Variants in SYBU observed in about 807,000 individuals in gnomAD.
SYBU encodes the protein GOLSYN A protein.
Under a neutral mutation model 35.9 loss-of-function variants are expected in SYBU, and 21 were observed. The observed-to-expected ratio is 0.58, with a 90% CI of 0.41 to 0.84. SYBU has a LOEUF of 0.84. Among genes scored for constraint, SYBU ranks in the 40% least tolerant of loss-of-function variants. The pLI is 0.00. For missense variants in SYBU, 768 were observed against 848.2 expected (o/e 0.91, Z 1.17); for synonymous variants, 319 against 324.3 (o/e 0.98, Z 0.18).
chr8:109,577,534 C>T (rs879777505), intron 6 of SYBU, among the ~76,000 whole-genome samples: 3 of 152,074 alleles, frequency 2.0e-5, no homozygotes, highest in Non-Finnish European at 4.4e-5. Flanking sequence ...TGGGATTGTT[C>T]CCGCACGTGT....
intron 3 of SYBU, among the ~76,000 whole-genome samples, chr8:109,595,031 T>C (rs940561611): frequency 6.6e-6 from 1 of 152,154 alleles, no homozygotes; most frequent in Non-Finnish European, 1.5e-5. Context: ...TGTAAGATAA[T>C]ATATGTAAAA....
chr8:109,680,253 C>G (rs949608998), intron 1 of SYBU: 3 of 152,190 alleles, frequency 2.0e-5, no homozygotes, highest in African/African-American at 7.2e-5. Context: ...TAAATAGAAA[C>G]TAATTTAAAC....
Position 109,675,207 on chromosome 8 carries a change from C to A in SYBU, c.-129+5504G>T, listed in dbSNP as rs558417933. Among the ~76,000 whole-genome samples, 6 of 152,208 alleles carry A rather than the reference C, an allele frequency of 3.9e-5. No individual in the cohort carries two copies. The East Asian group carries it at 1.2e-3, about 29-fold the overall frequency. On this transcript the variant is annotated intron_variant, in intron 1 of 5. Coordinates refer to the SYBU transcript ENST00000408889. ...AAGCAGGACAGATCTAAAATTGACA[C>A]CCTAACATCACAATGAAAAGAACTA...
At chr8:109,663,260 G>C (rs73700918) in intron 1 of SYBU, among the ~76,000 whole-genome samples, 1 of 79,298 alleles carries the variant, frequency 1.3e-5, no homozygotes, top group Non-Finnish European at 2.4e-5. Flanking sequence ...AATACATACA[G>C]ATAGATAGAT....
chr8:109,686,264 C>G (rs926453091), intron 1 of SYBU, among the ~76,000 whole-genome samples: 1 of 151,924 alleles, frequency 6.6e-6, no homozygotes, highest in Non-Finnish European at 1.5e-5. Context: ...AGGAAATGTT[C>G]CCCTTTGATT....
intron 2 of SYBU, among the ~76,000 whole-genome samples, chr8:109,621,955 C>G (rs1258402369): frequency 6.6e-6 from 1 of 152,164 alleles, no homozygotes; most frequent in African/African-American, 2.4e-5. Flanking sequence ...TTGTGCAGCA[C>G]TGAAGAAGAA....
chr8:109,610,085 C>G (rs1001036200), intron 3 of SYBU, among the ~76,000 whole-genome samples: 1 of 152,152 alleles, frequency 6.6e-6, no homozygotes, highest in Non-Finnish European at 1.5e-5. Flanking sequence ...CCACCACCTG[C>G]CACCCCATCC....
chr8:109,576,066 A>AAAAAC, intron 6 of SYBU, 53 bp from the exon 7 acceptor site: 1 of 1,426,990 alleles, frequency 7.0e-7, no homozygotes, highest in Non-Finnish European at 9.2e-7. Context: ...AAAAAAAAAA[A>AAAAAC]AAAACTTTCA....
intron 3 of SYBU, among the ~76,000 whole-genome samples, chr8:109,610,010 C>T (rs184428568): frequency 6.6e-6 from 1 of 152,158 alleles, no homozygotes; most frequent in Non-Finnish European, 1.5e-5. Context: ...AATGTCTTCA[C>T]ATTACTCTAA....
chr8:109,647,593 T>C (rs1259489563), upstream of SYBU: 1 of 152,224 alleles, frequency 6.6e-6, no homozygotes, highest in Non-Finnish European at 1.5e-5. Flanking sequence ...ACTCAATACA[T>C]AACTGTCAAA....
intron 3 of SYBU, among the ~76,000 whole-genome samples, chr8:109,606,013 A>G (rs886973519): frequency 4.6e-5 from 7 of 152,362 alleles, no homozygotes; most frequent in African/African-American, 1.7e-4. Flanking sequence ...TTTCATATAT[A>G]TACATACATA....
chr8:109,667,585 A>C (rs991894880), intron 1 of SYBU, among the ~76,000 whole-genome samples: 3 of 150,926 alleles, frequency 2.0e-5, no homozygotes, highest in African/African-American at 2.4e-5. Flanking sequence ...ACTGTGCATA[A>C]ATAAAATGCT....
chr8:109,616,255 C>A (rs1466061080), intron 3 of SYBU, among the ~76,000 whole-genome samples: 3 of 151,964 alleles, frequency 2.0e-5, no homozygotes. Flanking sequence ...CGTGATCCAC[C>A]CGCCTCAGCC....
At chr8:109,685,994 T>G (rs1009278949), upstream of SYBU, among the ~76,000 whole-genome samples, 7 of 152,226 alleles carry the variant, frequency 4.6e-5, no homozygotes, top group Non-Finnish European at 8.8e-5. Flanking sequence ...AAAACAAATA[T>G]TTGTCAATTC....
intron 1 of SYBU, among the ~76,000 whole-genome samples, chr8:109,664,163 G>T (rs1440600686): frequency 6.6e-6 from 1 of 152,126 alleles, no homozygotes; most frequent in African/African-American, 2.4e-5. Flanking sequence ...GGGAAAAAAG[G>T]TCACAAAAGA....
upstream of SYBU, among the ~76,000 whole-genome samples, chr8:109,649,221 C>G (rs1816010251): frequency 6.6e-6 from 1 of 151,844 alleles, no homozygotes; most frequent in Admixed American, 6.6e-5. Flanking sequence ...CCAGGATGGT[C>G]TCCATCTCCT....
chr8:109,617,685 G>T (rs764167622), intron 3 of SYBU, among the ~76,000 whole-genome samples: 1 of 152,028 alleles, frequency 6.6e-6, no homozygotes, highest in African/African-American at 2.4e-5. Flanking sequence ...CTTCTTCATT[G>T]TGTAGCATTC....
rs1822715459 is a variant in SYBU, at chr8:109,579,162, T to C, written c.734+637A>G. Among the ~76,000 whole-genome samples the C allele has an allele frequency of 2.6e-5, 4 of 152,310 alleles. No homozygotes were observed. In the South Asian group the frequency reaches 8.3e-4, roughly 32 times the overall value. ...CTATGCTGCCAGCTCCCTGAGCACC[T>C]GCCTGCCTCCAAGATGACCTGTGTC... On this transcript the variant is annotated intron_variant, in intron 5 of 6. Transcript: ENST00000276646.
At chr8:109,603,351 A>T in intron 3 of SYBU, 1 of 967,768 alleles carries the variant, frequency 1.0e-6, no homozygotes, top group Non-Finnish European at 1.2e-6. Context: ...AATGAAGCAT[A>T]CTCACAATTG....
Sources: allele counts gnomAD v4.1 joint callset (sites outside exome capture counted in the v4.1 genomes callset), GRCh38; gene constraint gnomAD v4.1.1; transcripts MANE v1.5; gene names NCBI Gene and HGNC (gene_info 2026-07-23, HGNC 2026-07-21).